Variants in SLC9A9 observed in about 807,000 individuals in gnomAD.
SLC9A9 encodes the protein sodium/hydrogen exchanger 9.
A neutral mutation model predicts 77.8 loss-of-function variants in SLC9A9; 62 were observed. That is an observed-to-expected ratio of 0.80 (90% CI 0.65 to 0.98). The LOEUF (loss-of-function observed/expected upper bound fraction) is 0.98, where lower values mean the gene tolerates loss of function less well. SLC9A9 is among the 50% of genes least tolerant of loss of function. SLC9A9 has a pLI of 0.00. For missense variants in SLC9A9, 775 were observed against 774.9 expected (o/e 1.00, Z 0.00); for synonymous variants, 320 against 283.5 (o/e 1.13, Z -1.29).
chr3:143,282,056 A>G (rs1282321284), intron 14 of SLC9A9, among the ~76,000 whole-genome samples: 1 of 152,142 alleles, frequency 6.6e-6, no homozygotes, highest in Non-Finnish European at 1.5e-5. Context: ...TGGAAATCCT[A>G]AATCCATTCA....
At chr3:143,400,448 C>T (rs547810565) in intron 12 of SLC9A9, among the ~76,000 whole-genome samples, 4 of 152,174 alleles carry the variant, frequency 2.6e-5, no homozygotes, top group South Asian at 4.1e-4. Context: ...GAAAACCAAA[C>T]GTCGTATGTT....
chr3:143,307,949 C>T (rs1443720921), intron 14 of SLC9A9, among the ~76,000 whole-genome samples: 1 of 152,314 alleles, frequency 6.6e-6, no homozygotes, highest in South Asian at 2.1e-4. Flanking sequence ...TCTCTACAAT[C>T]CTGGAAAAAC....
At chr3:143,823,600 A>G (rs1402049818) in intron 2 of SLC9A9, among the ~76,000 whole-genome samples, 1 of 152,218 alleles carries the variant, frequency 6.6e-6, no homozygotes, top group Non-Finnish European at 1.5e-5. Flanking sequence ...CCTGTATCAA[A>G]ACATTTTATG....
intron 14 of SLC9A9, among the ~76,000 whole-genome samples, chr3:143,350,547 A>G (rs772346596): frequency 1.3e-5 from 2 of 152,106 alleles, no homozygotes; most frequent in Non-Finnish European, 2.9e-5. Context: ...CACACACAAT[A>G]ATTTTCCACA....
intron 14 of SLC9A9, among the ~76,000 whole-genome samples, chr3:143,338,198 A>G (rs760406246): frequency 2.6e-5 from 4 of 152,222 alleles, no homozygotes; most frequent in Non-Finnish European, 4.4e-5. Context: ...GCAATGTCAA[A>G]GTGTTATGGC....
At chr3:143,554,511 C>T (rs927801681) in intron 8 of SLC9A9, among the ~76,000 whole-genome samples, 3 of 152,172 alleles carry the variant, frequency 2.0e-5, no homozygotes, top group African/African-American at 4.8e-5. Flanking sequence ...CATCCCTTTC[C>T]AAGCCCCCAT....
At chr3:143,341,829 G>A (rs896680664) in intron 14 of SLC9A9, among the ~76,000 whole-genome samples, 1 of 152,146 alleles carries the variant, frequency 6.6e-6, no homozygotes. Context: ...TACTCACATG[G>A]ACGGGGATAG....
chr3:143,274,450 G>A (rs1348916975), intron 14 of SLC9A9, among the ~76,000 whole-genome samples: 2 of 152,124 alleles, frequency 1.3e-5, no homozygotes, highest in African/African-American at 4.8e-5. Context: ...ATACTGTGGG[G>A]TGCTGGCAAA....
chr3:143,534,350 A>C (rs2036557246), intron 9 of SLC9A9, among the ~76,000 whole-genome samples: 1 of 152,256 alleles, frequency 6.6e-6, no homozygotes, highest in Non-Finnish European at 1.5e-5. Context: ...AAGTGTGACC[A>C]TGAAGTTTGA....
At chr3:143,535,210 A>G (rs2036573196) in intron 9 of SLC9A9, among the ~76,000 whole-genome samples, 2 of 152,208 alleles carry the variant, frequency 1.3e-5, no homozygotes, top group Non-Finnish European at 2.9e-5. Context: ...GTCGAAGTAA[A>G]ATTAAGCTAC....
At chr3:143,388,274 C>A (rs2033473523) in intron 12 of SLC9A9, among the ~76,000 whole-genome samples, 1 of 152,060 alleles carries the variant, frequency 6.6e-6, no homozygotes, top group African/African-American at 2.4e-5. Flanking sequence ...AACATTAATA[C>A]AATTAATAAT....
intron 5 of SLC9A9, among the ~76,000 whole-genome samples, chr3:143,662,217 G>A (rs1242054): frequency 5.4e-4 from 82 of 152,158 alleles, no homozygotes; most frequent in African/African-American, 2.0e-3. Flanking sequence ...ATAAACTAGC[G>A]CTGTCATTTC....
At chr3:143,288,204 A>G (rs1397239909) in intron 14 of SLC9A9, among the ~76,000 whole-genome samples, 4 of 151,994 alleles carry the variant, frequency 2.6e-5, no homozygotes, top group Non-Finnish European at 4.4e-5. Context: ...GATGATTGTA[A>G]TTTCAGCTAT....
chr3:143,425,264 CT>C (rs200568656), intron 12 of SLC9A9, among the ~76,000 whole-genome samples: 31,621 of 97,878 alleles, frequency 0.32, 4,408 homozygotes, highest in African/African-American at 0.45. Context: ...TGAGGCTTAG[CT>C]TTTTTTTTTT....
intron 6 of SLC9A9, among the ~76,000 whole-genome samples, chr3:143,592,704 T>C (rs1472383894): frequency 6.6e-6 from 1 of 152,266 alleles, no homozygotes; most frequent in Non-Finnish European, 1.5e-5. Flanking sequence ...CTACTTTCTA[T>C]TCATGATGTA....
At chr3:143,622,006 A>C (rs1282950446) in intron 6 of SLC9A9, among the ~76,000 whole-genome samples, 1 of 152,374 alleles carries the variant, frequency 6.6e-6, no homozygotes, top group Admixed American at 6.5e-5. Flanking sequence ...ACTGGAAGAA[A>C]GGGGATCAGT....
chr3:143,421,214 TG>T (rs1184739970), intron 12 of SLC9A9, among the ~76,000 whole-genome samples: 5 of 152,302 alleles, frequency 3.3e-5, no homozygotes, highest in African/African-American at 1.2e-4. Context: ...ACAGATTCAA[TG>T]CTATTCCTAT....
intron 14 of SLC9A9, 103 bp from the exon 15 acceptor site, chr3:143,269,083 A>C: frequency 1.2e-6 from 1 of 837,114 alleles, no homozygotes; most frequent in East Asian, 2.7e-5. Context: ...TTGCCTTTAA[A>C]TCCCCTACTC....
intron 2 of SLC9A9, among the ~76,000 whole-genome samples, chr3:143,811,449 G>A (rs946825002): frequency 3.3e-5 from 5 of 152,062 alleles, no homozygotes; most frequent in Non-Finnish European, 5.9e-5. Flanking sequence ...TTCCTTATTC[G>A]TACTATGGGC....
Sources: allele counts gnomAD v4.1 joint callset (sites outside exome capture counted in the v4.1 genomes callset), GRCh38; gene constraint gnomAD v4.1.1; transcripts MANE v1.5; gene names NCBI Gene and HGNC (gene_info 2026-07-23, HGNC 2026-07-21).